The following RBFOX1 variants were observed in gnomAD, a reference collection of about 807,000 sequenced individuals.
RBFOX1 encodes the protein RNA binding protein fox-1 homolog 1.
In RBFOX1, 8 loss-of-function variants were observed where a neutral mutation model predicts 57.7. That is an observed-to-expected ratio of 0.14 (90% CI 0.08 to 0.25). The LOEUF is 0.25. Among genes scored for constraint, RBFOX1 ranks in the 10% least tolerant of loss-of-function variants. The pLI is 1.00. For missense variants in RBFOX1, 611 were observed against 548.5 expected (o/e 1.11, Z -1.14); for synonymous variants, 326 against 222.4 (o/e 1.47, Z -4.15).
intron 3 of RBFOX1, among the ~76,000 whole-genome samples, chr16:5,773,741 A>C (rs2054053658): frequency 6.6e-6 from 1 of 152,290 alleles, no homozygotes; most frequent in Non-Finnish European, 1.5e-5. Context: ...TCTGTTGCCC[A>C]GGCTGGAGTG....
At chr16:6,353,354 GTTT>G (rs1289103929) in intron 2 of RBFOX1, among the ~76,000 whole-genome samples, 1 of 151,742 alleles carries the variant, frequency 6.6e-6, no homozygotes, top group Non-Finnish European at 1.5e-5. Context: ...GTGCTTGTTT[GTTT>G]TTTGGGATGG....
intron 1 of RBFOX1, among the ~76,000 whole-genome samples, chr16:5,293,279 T>C (rs1367154518): frequency 6.6e-6 from 1 of 152,102 alleles, no homozygotes; most frequent in Non-Finnish European, 1.5e-5. Flanking sequence ...CCACACCCCA[T>C]GAAGCATATT....
At position 6,968,633 on chromosome 16, in the gene RBFOX1, C is replaced by G. The variant is rs540219499; in HGVS notation, c.-15-83424C>G. 1.2e-4 allele frequency among the ~76,000 whole-genome samples: 19 copies of G among 152,200 alleles called. No homozygotes were observed. In the South Asian group the frequency reaches 3.9e-3, roughly 32 times the overall value. ...CTGTCAGTTTCAGTTTGCATTTACA[C>G]AACGTGCCACCATCCCACAGGACTC... On this transcript the variant is annotated intron_variant, in intron 3 of 15. Coordinates refer to ENST00000550418, the MANE Select transcript of RBFOX1 (RefSeq NM_018723.4).
chr16:5,627,312 T>C (rs2048374274), intron 3 of RBFOX1, among the ~76,000 whole-genome samples: 1 of 152,068 alleles, frequency 6.6e-6, no homozygotes, highest in South Asian at 2.1e-4. Context: ...AATAAATAAA[T>C]AGAACAAAAG....
At position 6,979,725 on chromosome 16, in the gene RBFOX1, T is replaced by G. The variant is rs117814477; in HGVS notation, c.-15-72332T>G. On this transcript the variant is annotated intron_variant, in intron 3 of 15. Transcript: ENST00000550418. ...ATTATGCTTATAAATTTGAAGGCTG[T>G]GATCATTCCTCCTAAACAGTGGATG... 7.0e-3 allele frequency among the ~76,000 whole-genome samples: 1,068 copies of G among 152,312 alleles called. 5 individuals carry two copies. The highest frequency in any genetic ancestry group is 0.011 in the South Asian group (54 of 4,820).
intron 3 of RBFOX1, among the ~76,000 whole-genome samples, chr16:6,861,049 A>T (rs1208402947): frequency 1.3e-5 from 2 of 152,180 alleles, no homozygotes; most frequent in Non-Finnish European, 2.9e-5. Context: ...GAGCGGTTGT[A>T]ATCTGCGAGA....
intron 2 of RBFOX1, among the ~76,000 whole-genome samples, chr16:5,516,391 G>A (rs4511535): frequency 0.2 from 30,647 of 151,328 alleles, 3,260 homozygotes; most frequent in Middle Eastern, 0.26. Context: ...ATTATTTCTT[G>A]TCTCCCATCA....
chr16:7,131,683 T>A (rs1320452899), intron 4 of RBFOX1, among the ~76,000 whole-genome samples: 1 of 151,914 alleles, frequency 6.6e-6, no homozygotes, highest in Non-Finnish European at 1.5e-5. Context: ...CAATATTGTC[T>A]TTTTGCCAGA....
At chr16:6,866,457 G>T (rs140387173) in intron 3 of RBFOX1, among the ~76,000 whole-genome samples, 218 of 145,414 alleles carry the variant, frequency 1.5e-3, no homozygotes, top group African/African-American at 5.1e-3. Flanking sequence ...TTCATGTTAA[G>T]CAAAAAATAT....
chr16:5,309,533 A>T (rs2064026694), intron 1 of RBFOX1, among the ~76,000 whole-genome samples: 1 of 152,140 alleles, frequency 6.6e-6, no homozygotes. Flanking sequence ...TTATAAACTT[A>T]GGGGGTACAA....
intron 3 of RBFOX1, among the ~76,000 whole-genome samples, chr16:6,879,815 A>G (rs1008947265): frequency 3.9e-5 from 6 of 152,194 alleles, no homozygotes; most frequent in Non-Finnish European, 5.9e-5. Context: ...TTGATGTTCT[A>G]TTTATGATGT....
chr16:6,985,365 A>G (rs938198367), intron 3 of RBFOX1, among the ~76,000 whole-genome samples: 11 of 152,238 alleles, frequency 7.2e-5, no homozygotes, highest in Non-Finnish European at 1.3e-4. Flanking sequence ...CACAAAAGAT[A>G]TATGGTCTTA....
chr16:6,394,653 G>A lies in RBFOX1; in HGVS notation c.-64+77596G>A, dbSNP rs539822858. ...TCTAATATATATATTATGTGTATTA[G>A]ATATATATATGATATATATGATATA... On this transcript the variant is annotated intron_variant, in intron 2 of 15. Transcript: ENST00000550418. Among the ~76,000 whole-genome samples, 136 of 151,054 alleles carry A rather than the reference G, an allele frequency of 9.0e-4. 1 individual carries two copies. The highest frequency in any genetic ancestry group is 5.2e-3 in the South Asian group (25 of 4,790).
At chr16:5,985,869 C>T (rs1296025284) in intron 4 of RBFOX1, among the ~76,000 whole-genome samples, 1 of 152,142 alleles carries the variant, frequency 6.6e-6, no homozygotes, top group African/African-American at 2.4e-5. Context: ...AATGGCTTGG[C>T]CATCACACTT....
At chr16:6,819,600 G>A (rs1451595590) in intron 3 of RBFOX1, among the ~76,000 whole-genome samples, 1 of 150,958 alleles carries the variant, frequency 6.6e-6, no homozygotes, top group Non-Finnish European at 1.5e-5. Context: ...AGCTACTCGG[G>A]AGGCTGAGGC....
intron 4 of RBFOX1, among the ~76,000 whole-genome samples, chr16:7,403,110 A>C (rs1001017693): frequency 6.6e-6 from 1 of 152,194 alleles, no homozygotes; most frequent in African/African-American, 2.4e-5. Flanking sequence ...GGGTACAATT[A>C]ACAAATATAA....
At chr16:5,700,123 T>C (rs898183459) in intron 3 of RBFOX1, among the ~76,000 whole-genome samples, 2 of 152,302 alleles carry the variant, frequency 1.3e-5, no homozygotes, top group Non-Finnish European at 2.9e-5. Context: ...TGAGCCACCA[T>C]GCCTGGCCAG....
At chr16:7,642,457 A>G (rs2062994235) in intron 11 of RBFOX1, among the ~76,000 whole-genome samples, 1 of 152,184 alleles carries the variant, frequency 6.6e-6, no homozygotes, top group Non-Finnish European at 1.5e-5. Context: ...AGCCACCGTC[A>G]GACCCCTCTG....
At chr16:7,499,852 T>G (rs2070080157) in intron 4 of RBFOX1, among the ~76,000 whole-genome samples, 1 of 151,954 alleles carries the variant, frequency 6.6e-6, no homozygotes, top group African/African-American at 2.4e-5. Flanking sequence ...TTGCACACAA[T>G]TATTGGGCCA....
Sources: allele counts gnomAD v4.1 joint callset (sites outside exome capture counted in the v4.1 genomes callset), GRCh38; gene constraint gnomAD v4.1.1; transcripts MANE v1.5; gene names NCBI Gene and HGNC (gene_info 2026-07-23, HGNC 2026-07-21).